The following CAMSAP2 variants were observed in gnomAD, a reference collection of about 807,000 sequenced individuals.
The protein encoded by CAMSAP2 is calmodulin-regulated spectrin-associated protein 2.
CAMSAP2 carries 26 observed loss-of-function variants against 146.1 expected under a neutral mutation model. The ratio of observed to expected loss-of-function variants is 0.18; its 90% CI spans 0.13 to 0.25. The LOEUF (loss-of-function observed/expected upper bound fraction) is 0.25. CAMSAP2 is among the 10% of genes least tolerant of loss of function. The probability of loss-of-function intolerance (pLI) is 1.00; values close to 1 mark genes in which losing one functional copy is unlikely to be tolerated. For synonymous variants in CAMSAP2, 499 were observed against 596.6 expected (o/e 0.84, Z 2.38); for missense variants, 1,381 against 1,759.3 (o/e 0.78, Z 3.85).
At chr1:200,789,163 G>T (rs77436970) in intron 2 of CAMSAP2, among the ~76,000 whole-genome samples, 2 of 151,866 alleles carry the variant, frequency 1.3e-5, no homozygotes, top group African/African-American at 4.8e-5. Context: ...ACACCCTTCC[G>T]CAGTGCAAAA....
chr1:200,834,534 T>G (rs1198993049), intron 6 of CAMSAP2, among the ~76,000 whole-genome samples: 1 of 152,226 alleles, frequency 6.6e-6, no homozygotes, highest in East Asian at 1.9e-4. Context: ...TTGTACTTTA[T>G]GTGAGTCAAT....
intron 2 of CAMSAP2, among the ~76,000 whole-genome samples, chr1:200,789,502 A>G (rs890997715): frequency 3.3e-5 from 5 of 151,896 alleles, no homozygotes; most frequent in Admixed American, 6.6e-5. Context: ...CGTGTGCTCT[A>G]TATTCTGTTC....
chr1:200,800,066 C>T (rs1488711793), intron 2 of CAMSAP2, among the ~76,000 whole-genome samples: 1 of 152,158 alleles, frequency 6.6e-6, no homozygotes, highest in African/African-American at 2.4e-5. Flanking sequence ...TTTGCATTTG[C>T]TGAGGAGTGT....
At chr1:200,759,275 AT>A (rs1461651928) in intron 1 of CAMSAP2, among the ~76,000 whole-genome samples, 1 of 125,126 alleles carries the variant, frequency 8.0e-6, no homozygotes, top group Non-Finnish European at 1.8e-5. Flanking sequence ...GATTCCTGCT[AT>A]TCTATTTTTT....
intron 2 of CAMSAP2, among the ~76,000 whole-genome samples, chr1:200,761,866 C>A (rs1558165344): frequency 6.6e-6 from 1 of 152,318 alleles, no homozygotes; most frequent in East Asian, 1.9e-4. Flanking sequence ...GGCCTCTAAG[C>A]TGGCCTGGGG....
intron 12 of CAMSAP2, 50 bp downstream of exon 12, chr1:200,852,727 G>A (rs761902941): frequency 6.4e-7 from 1 of 1,550,628 alleles, no homozygotes; most frequent in South Asian, 1.2e-5. Flanking sequence ...AATGATGCAT[G>A]GGCATATTTA....
chr1:200,756,102 G>A (rs1664641167), intron 1 of CAMSAP2, among the ~76,000 whole-genome samples: 1 of 152,100 alleles, frequency 6.6e-6, no homozygotes, highest in South Asian at 2.1e-4. Flanking sequence ...GTACATTTGT[G>A]GAATATGGAG....
Position 200,828,880 on chromosome 1 carries a change from A to G in CAMSAP2, c.646-3320A>G, listed in dbSNP as rs1571807112. On this transcript the variant is annotated intron_variant, in intron 4 of 16. Coordinates refer to ENST00000358823, the MANE Select transcript of CAMSAP2 (RefSeq NM_203459.4). ...GTTAAAAAAAAAAAACTTATGGGCC[A>G]GGTGCGGTGGCTCACACCTGTAATC... is the stretch of plus-strand genomic sequence containing the variant. Among the ~76,000 whole-genome samples the G allele has an allele frequency of 2.0e-5, 3 of 152,060 alleles. No individual in the cohort carries two copies. In the East Asian group the frequency reaches 5.8e-4, roughly 29 times the overall value.
chr1:200,749,891 A>G (rs2102990411), intron 1 of CAMSAP2, among the ~76,000 whole-genome samples: 1 of 152,292 alleles, frequency 6.6e-6, no homozygotes, highest in Admixed American at 6.5e-5. Flanking sequence ...AGAACATTCC[A>G]GAGAATGTGA....
intron 4 of CAMSAP2, among the ~76,000 whole-genome samples, chr1:200,817,789 G>A (rs563908462): frequency 1.3e-5 from 2 of 152,302 alleles, no homozygotes; most frequent in Non-Finnish European, 2.9e-5. Context: ...CCCCCATTTG[G>A]TTAACTGACT....
At chr1:200,844,740 A>C in intron 7 of CAMSAP2, 42 bp from the exon 8 acceptor site, 1 of 1,173,626 alleles carries the variant, frequency 8.5e-7, no homozygotes, top group Non-Finnish European at 1.2e-6. Flanking sequence ...TTTCATAGAA[A>C]TATGCTAATT....
At position 200,797,668 on chromosome 1, in the gene CAMSAP2, T is replaced by G. The variant is rs1277316591; in HGVS notation, c.400-9708T>G. Among the ~76,000 whole-genome samples, 9 of 101,286 alleles carry G rather than the reference T, an allele frequency of 8.9e-5. No individual in the cohort carries two copies. The South Asian group carries it at 1.6e-3, about 18-fold the overall frequency. 66.4% of individuals were successfully genotyped at this position (101,286 alleles called of 152,430 possible). A position where few individuals can be genotyped will look rare whatever the true frequency, so the allele number is the denominator to read the frequency against. ...TTTCTTTTGCTGTGCAGAAGCTCTT[T>G]AGTTTAATTAGATCCCATTTGTCAA... is the stretch of plus-strand genomic sequence containing the variant. On this transcript the variant is annotated intron_variant, in intron 2 of 16. Coordinates refer to ENST00000358823, the MANE Select transcript of CAMSAP2 (RefSeq NM_203459.4).
At chr1:200,767,477 C>CTTTT (rs11298176) in intron 2 of CAMSAP2, among the ~76,000 whole-genome samples, 362 of 138,100 alleles carry the variant, frequency 2.6e-3, no homozygotes, top group African/African-American at 8.8e-3. Context: ...TGTTGTCCCT[C>CTTTT]TTTTTTTTTT....
At chr1:200,741,876 G>T (rs61827510) in intron 1 of CAMSAP2, among the ~76,000 whole-genome samples, 93 of 152,298 alleles carry the variant, frequency 6.1e-4, no homozygotes, top group Admixed American at 1.0e-3. Flanking sequence ...TAGGTAGTGT[G>T]TTCCCCATTT....
In CAMSAP2 at chr1:200,853,960, T is replaced by A. The variant is rs1031354980; in HGVS notation, c.3823+465T>A. On this transcript the variant is annotated intron_variant, in intron 13 of 16. Coordinates refer to ENST00000358823, the MANE Select transcript of CAMSAP2 (RefSeq NM_203459.4). The surrounding 1 kb of genome is among the most constrained non-coding windows in gnomAD (Gnocchi z 5.1). ...TGAGAGAATATATTTTCTTTAAAAG[T>A]CAGTATACATACTCATTATTACTAT... Among the ~76,000 whole-genome samples the A allele has an allele frequency of 2.0e-5, 3 of 152,162 alleles. No homozygotes were observed. Among genetic ancestry groups the A allele is most frequent in the African/African-American group, 7.2e-5 (3 of 41,442 alleles).
At chr1:200,791,643 T>C (rs1454679466) in intron 2 of CAMSAP2, among the ~76,000 whole-genome samples, 1 of 152,234 alleles carries the variant, frequency 6.6e-6, no homozygotes, top group African/African-American at 2.4e-5. Context: ...GTCTTATTCC[T>C]GTGGTCCCTT....
chr1:200,857,687 A>G lies in CAMSAP2; in HGVS notation c.4132-67A>G, dbSNP rs1667781770. On this transcript the variant is annotated intron_variant, in intron 16 of 16. Transcript: ENST00000358823. The surrounding 1 kb of genome is among the most constrained non-coding windows in gnomAD (Gnocchi z 4.7). ...TAAGAAACGTAACATAATTATATAA[A>G]CTTTATTCAGCAAAATAAAGGGTTT... is the stretch of plus-strand genomic sequence containing the variant. 7.6e-7 allele frequency: 1 copy of G among 1,315,622 alleles called. No homozygotes were observed. The highest frequency in any genetic ancestry group is 2.4e-5 in the Admixed American group (1 of 41,742). The allele number at this position is 1,315,622 out of a possible 1,614,324, so 81.5% of individuals were successfully genotyped here.
chr1:200,806,468 GAGATA>G (rs1162295519), intron 2 of CAMSAP2, among the ~76,000 whole-genome samples: 11 of 152,122 alleles, frequency 7.2e-5, no homozygotes, highest in Non-Finnish European at 1.6e-4. Flanking sequence ...ACGTTGGTGG[GAGATA>G]AGTTGGTGTA....
chr1:200,773,209 T>C (rs1011595018), intron 2 of CAMSAP2, among the ~76,000 whole-genome samples: 4 of 152,150 alleles, frequency 2.6e-5, no homozygotes, highest in Non-Finnish European at 5.9e-5. Context: ...ATATAGAAGA[T>C]GAATTAAGCA....
Sources: gnomAD v4.1 joint callset for allele counts (sites outside exome capture counted in the v4.1 genomes callset) on GRCh38, gnomAD v4.1.1 for gene constraint, Gnocchi (gnomAD v3.1) non-coding constraint, MANE v1.5 for transcripts, NCBI Gene and HGNC (gene_info 2026-07-23, HGNC 2026-07-21) for gene names.